Variants in PLG observed in about 807,000 individuals in gnomAD.
The protein encoded by PLG is plasmin.
Under a neutral mutation model 104.4 loss-of-function variants are expected in PLG, and 41 were observed. The observed-to-expected ratio is 0.39, with a 90% CI of 0.31 to 0.51. PLG has a LOEUF of 0.51. PLG is among the 20% of genes least tolerant of loss of function. The pLI is 0.76. For synonymous variants in PLG, 337 were observed against 357.1 expected (o/e 0.94, Z 0.63); for missense variants, 891 against 1,003.6 (o/e 0.89, Z 1.52).
chr6:160,743,695 T>C (rs1400493437), intron 17 of PLG, among the ~76,000 whole-genome samples: 1 of 152,314 alleles, frequency 6.6e-6, no homozygotes, highest in East Asian at 1.9e-4. Flanking sequence ...TCCAATACTA[T>C]GTTGAATAGG....
rs367889094 is a variant in PLG, at chr6:160,740,833, C to A, written c.2019-478C>A. Among the ~76,000 whole-genome samples, 38 of 152,080 alleles carry A rather than the reference C, an allele frequency of 2.5e-4. No homozygotes were observed. Among genetic ancestry groups the A allele is most frequent in the Admixed American group, 2.0e-4 (3 of 15,266 alleles). ...TTTTACTGGATTCTTACAACTATGGCGTAGTAACATTCACTGAGGAGGAAA... is the reference window on the plus strand; with the variant it reads ...TTTTACTGGATTCTTACAACTATGGAGTAGTAACATTCACTGAGGAGGAAA... On this transcript the variant is annotated intron_variant, in intron 16 of 18. Transcript: ENST00000308192. The surrounding 1 kb of genome is among the most constrained non-coding windows in gnomAD (Gnocchi z 5.2).
intron 3 of PLG, 84 bp downstream of exon 3, chr6:160,707,890 A>T: frequency 9.1e-7 from 1 of 1,096,238 alleles, no homozygotes; most frequent in Non-Finnish European, 1.4e-6. Context: ...TTTAATTTAT[A>T]AGACCAGAGG....
At position 160,738,707 on chromosome 6, in the gene PLG, C is replaced by G; in HGVS notation, c.1877+95C>G. 2.2e-6 allele frequency: 2 copies of G among 893,474 alleles called. No homozygotes were observed. Among genetic ancestry groups the G allele is most frequent in the Non-Finnish European group, 3.8e-6 (2 of 528,414 alleles). The allele number at this position is 893,474 out of a possible 1,614,324, so 55.3% of individuals were successfully genotyped here. Reference sequence around the variant, plus strand: ...CCTCCTTTCCTTTCTCACTCTTCCTCCCTTCCTTCTCTGGCTGTGACACTA... The same window carrying G: ...CCTCCTTTCCTTTCTCACTCTTCCTGCCTTCCTTCTCTGGCTGTGACACTA... On this transcript the variant is annotated intron_variant, in intron 15 of 18. Transcript: ENST00000308192. The surrounding 1 kb of genome is among the most constrained non-coding windows in gnomAD (Gnocchi z 6.8).
At chr6:160,707,367 C>T (rs4252073) in intron 2 of PLG, among the ~76,000 whole-genome samples, 10 of 151,826 alleles carry the variant, frequency 6.6e-5, no homozygotes, top group Non-Finnish European at 1.3e-4. Flanking sequence ...ACTATCTTGG[C>T]GAATGGGTTC....
chr6:160,736,809 C>G lies in PLG; in HGVS notation c.1682-78C>G. ...CCTTTAAGATGTCAAAAACTCAGTGCTTGGAATTTGTCTCGAATTACACCA... is the reference window on the plus strand; with the variant it reads ...CCTTTAAGATGTCAAAAACTCAGTGGTTGGAATTTGTCTCGAATTACACCA... On this transcript the variant is annotated intron_variant, in intron 13 of 18. Transcript: ENST00000308192. This position sits in a 1 kb window ranked among gnomAD's most constrained non-coding sequence, Gnocchi z 5.2. The G allele has an allele frequency of 6.3e-7, 1 of 1,583,522 alleles. No homozygotes were observed. The highest frequency in any genetic ancestry group is 8.7e-7 in the Non-Finnish European group (1 of 1,154,344).
rs904467643 is a variant in PLG at position 160,752,501 on chromosome 6, G to C, written c.2271+241G>C. On this transcript the variant is annotated intron_variant, in intron 18 of 18. Coordinates refer to ENST00000308192, the MANE Select transcript of PLG (RefSeq NM_000301.5). This position sits in a 1 kb window ranked among gnomAD's most constrained non-coding sequence, Gnocchi z 4.7. The stretch of plus-strand genomic sequence containing the variant: ...AGTTTTAAGTGCCATAACTACCTCA[G>C]GCCACTCACCCTCCTGGGGTGTGCT... Among the ~76,000 whole-genome samples the C allele has an allele frequency of 1.2e-4, 19 of 152,148 alleles. No individual in the cohort carries two copies. The highest frequency in any genetic ancestry group is 4.6e-4 in the African/African-American group (19 of 41,440).
Position 160,752,364 on chromosome 6 carries a change from G to A in PLG, c.2271+104G>A, listed in dbSNP as rs776051510. 8.0e-5 allele frequency: 79 copies of A among 988,318 alleles called. No homozygotes were observed. In the East Asian group the frequency reaches 1.0e-3, roughly 12 times the overall value. 61.2% of individuals were successfully genotyped at this position (988,318 alleles called of 1,614,324 possible). On this transcript the variant is annotated intron_variant, in intron 18 of 18. Transcript: ENST00000308192. This position sits in a 1 kb window ranked among gnomAD's most constrained non-coding sequence, Gnocchi z 4.7. ...GTGGCAAATTCAAGGATTTTCAACC[G>A]AAGACCCCAGTCTAAGTGTTGTTTA...
At position 160,732,509 on chromosome 6, in the gene PLG, G is replaced by A. The variant is rs1246113923; in HGVS notation, c.1587+616G>A. 6.6e-6 allele frequency among the ~76,000 whole-genome samples: 1 copy of A among 152,084 alleles called. No homozygotes were observed. Among genetic ancestry groups the A allele is most frequent in the Non-Finnish European group, 1.5e-5 (1 of 68,042 alleles). On this transcript the variant is annotated intron_variant, in intron 12 of 18. Coordinates refer to ENST00000308192, the MANE Select transcript of PLG (RefSeq NM_000301.5). This position sits in a 1 kb window ranked among gnomAD's most constrained non-coding sequence, Gnocchi z 4.5. ...GTGTCCTACAATGTAACTCAGTGCT[G>A]ACACTCTATCTGGAGACAGTGTCAG...
intron 17 of PLG, among the ~76,000 whole-genome samples, chr6:160,745,690 G>T (rs1274438218): frequency 1.3e-5 from 2 of 152,178 alleles, no homozygotes; most frequent in African/African-American, 4.8e-5. Flanking sequence ...TGCCCTCATT[G>T]TGTTGTTATG....
intron 1 of PLG, chr6:160,706,011 G>C (rs1258168086): frequency 4.5e-6 from 1 of 221,430 alleles, no homozygotes; most frequent in Non-Finnish European, 9.0e-6. Flanking sequence ...GTTTTTCTTT[G>C]TTTTATAATT....
At chr6:160,749,875 C>T (rs1778372210) in intron 17 of PLG, among the ~76,000 whole-genome samples, 1 of 151,572 alleles carries the variant, frequency 6.6e-6, no homozygotes, top group African/African-American at 2.4e-5. Flanking sequence ...CTTATCACAA[C>T]CCTCATCATC....
chr6:160,719,810 C>T lies in PLG; in HGVS notation c.1096+972C>T, dbSNP rs1422113538. ...CCTCCCAAAATGCTATACTATTACT[C>T]TTTGTAATAGAAGCTTACTTCTACT... is the stretch of plus-strand genomic sequence containing the variant. On this transcript the variant is annotated intron_variant, in intron 9 of 18. Coordinates refer to ENST00000308192, the MANE Select transcript of PLG (RefSeq NM_000301.5). This position sits in a 1 kb window ranked among gnomAD's most constrained non-coding sequence, Gnocchi z 4.1. Among the ~76,000 whole-genome samples, 15 of 152,188 alleles carry T rather than the reference C, an allele frequency of 9.9e-5. No individual in the cohort carries two copies. The highest frequency in any genetic ancestry group is 4.4e-5 in the Non-Finnish European group (3 of 68,028).
chr6:160,747,365 A>T (rs59000538), intron 17 of PLG, among the ~76,000 whole-genome samples: 13,009 of 152,246 alleles, frequency 0.085, 709 homozygotes, highest in Middle Eastern at 0.14. Context: ...AATTATATCC[A>T]TCAGCCTAGT....
rs1778166588 is a variant in PLG, at chr6:160,740,209, T to C, written c.2018+1001T>C. ...TGGGTCTGTGAACTGAGGGGTGATG[T>C]CCTGGGATGCTCTGACACTCTAGAA... is the stretch of plus-strand genomic sequence containing the variant. On this transcript the variant is annotated intron_variant, in intron 16 of 18. Coordinates refer to ENST00000308192, the MANE Select transcript of PLG (RefSeq NM_000301.5). The surrounding 1 kb of genome is among the most constrained non-coding windows in gnomAD (Gnocchi z 5.2). Among the ~76,000 whole-genome samples, 1 of 152,198 alleles carries C rather than the reference T, an allele frequency of 6.6e-6. No homozygotes were observed. Among genetic ancestry groups the C allele is most frequent in the African/African-American group, 2.4e-5 (1 of 41,456 alleles).
In PLG at chr6:160,753,477, A is replaced by G. The variant is rs941098890; in HGVS notation, c.*416A>G. ...CACGCATTTACCTCATCAGCTAACG[A>G]GGGCTTGACATGCATTTTTACTGTC... On this transcript the variant is annotated 3_prime_UTR_variant, in exon 19 of 19. Coordinates refer to ENST00000308192, the MANE Select transcript of PLG (RefSeq NM_000301.5). This position sits in a 1 kb window ranked among gnomAD's most constrained non-coding sequence, Gnocchi z 5.4. Among the ~76,000 whole-genome samples, 1 of 152,192 alleles carries G rather than the reference A, an allele frequency of 6.6e-6. No homozygotes were observed. The highest frequency in any genetic ancestry group is 1.5e-5 in the Non-Finnish European group (1 of 68,042).
rs774217296 is a variant in PLG, at chr6:160,716,815, A to T, written c.787+52A>T. 9 of 1,076,302 alleles carry T rather than the reference A, an allele frequency of 8.4e-6. No homozygotes were observed. In the South Asian group the frequency reaches 1.1e-4, roughly 13 times the overall value. The allele number at this position is 1,076,302 out of a possible 1,614,324, so 66.7% of individuals were successfully genotyped here. A position where few individuals can be genotyped will look rare whatever the true frequency, so the allele number is the denominator to read the frequency against. On this transcript the variant is annotated intron_variant, in intron 7 of 18. Coordinates refer to ENST00000308192, the MANE Select transcript of PLG (RefSeq NM_000301.5). ...AGGATTTGGACCTGCCCTGTTCTTG[A>T]AATCAAAAGAAAACATGTGTCAGTG...
intron 17 of PLG, among the ~76,000 whole-genome samples, chr6:160,745,383 C>CCCTTTACT (rs1778261507): frequency 1.0e-5 from 1 of 96,738 alleles, no homozygotes; most frequent in Non-Finnish European, 2.9e-5. Flanking sequence ...TTGAATTGAA[C>CCCTTTACT]CCTTTACCAT....
rs4252165 is a variant in PLG, at chr6:160,740,527, C to A, written c.2019-784C>A. 0.23 allele frequency among the ~76,000 whole-genome samples: 35,336 copies of A among 152,010 alleles called. 4,449 individuals carry two copies. Among genetic ancestry groups the A allele is most frequent in the Non-Finnish European group, 0.29 (19,726 of 67,970 alleles). On this transcript the variant is annotated intron_variant, in intron 16 of 18. Coordinates refer to ENST00000308192, the MANE Select transcript of PLG (RefSeq NM_000301.5). The surrounding 1 kb of genome is among the most constrained non-coding windows in gnomAD (Gnocchi z 5.2). ...CACCAGGGAACCTGTAGAGTGAGGA[C>A]GTCTGCATGACAGGCTGGGCCTTCT...
At chr6:160,747,523 C>G (rs536779610) in intron 17 of PLG, among the ~76,000 whole-genome samples, 2 of 152,342 alleles carry the variant, frequency 1.3e-5, no homozygotes, top group Admixed American at 1.3e-4. Flanking sequence ...CACGTTACCT[C>G]TTTGTACCAC....
Sources: allele counts gnomAD v4.1 joint callset (sites outside exome capture counted in the v4.1 genomes callset), GRCh38; gene constraint gnomAD v4.1.1; non-coding constraint Gnocchi (gnomAD v3.1); transcripts MANE v1.5; gene names NCBI Gene and HGNC (gene_info 2026-07-23, HGNC 2026-07-21).